The following FAF1 variants were observed in gnomAD, a reference collection of about 807,000 sequenced individuals.
FAF1 encodes the protein Fas associated factor 1, also known as FAS-associated factor 1.
Under a neutral mutation model 92.5 loss-of-function variants are expected in FAF1, and 25 were observed. The ratio of observed to expected loss-of-function variants is 0.27; its 90% CI spans 0.20 to 0.38. The LOEUF (loss-of-function observed/expected upper bound fraction) is 0.38, where lower values mean the gene tolerates loss of function less well. FAF1 is among the 10% of genes least tolerant of loss of function. The pLI is 1.00. For synonymous variants in FAF1, 234 were observed against 273.2 expected (o/e 0.86, Z 1.42); for missense variants, 636 against 793.3 (o/e 0.80, Z 2.38).
chr1:50,700,378 T>G (rs1015211154), intron 7 of FAF1, among the ~76,000 whole-genome samples: 1 of 152,086 alleles, frequency 6.6e-6, no homozygotes, highest in African/African-American at 2.4e-5. Flanking sequence ...GTAATTCTAG[T>G]AAAGCACTTA....
At chr1:50,734,395 G>A (rs767485029) in intron 6 of FAF1, among the ~76,000 whole-genome samples, 3 of 151,986 alleles carry the variant, frequency 2.0e-5, no homozygotes, top group Non-Finnish European at 4.4e-5. Context: ...CAGCATCTTG[G>A]TTAGAATACA....
intron 17 of FAF1, among the ~76,000 whole-genome samples, chr1:50,480,686 C>T (rs533054766): frequency 1.2e-4 from 18 of 152,278 alleles, no homozygotes; most frequent in South Asian, 6.2e-4. Context: ...ACTGTATAAA[C>T]CATGGAGGTC....
At chr1:50,792,713 T>C (rs538067693) in intron 3 of FAF1, among the ~76,000 whole-genome samples, 1 of 152,290 alleles carries the variant, frequency 6.6e-6, no homozygotes, top group East Asian at 1.9e-4. Flanking sequence ...TTAAAATACA[T>C]TAGTAAGGGA....
chr1:50,624,639 C>CA, intron 8 of FAF1, among the ~76,000 whole-genome samples: 1 of 151,952 alleles, frequency 6.6e-6, no homozygotes, highest in Admixed American at 6.5e-5. Flanking sequence ...AAAAGGAAAA[C>CA]AAAAAAGGAA....
At chr1:50,621,123 C>T (rs943708809) in intron 8 of FAF1, among the ~76,000 whole-genome samples, 7 of 152,242 alleles carry the variant, frequency 4.6e-5, no homozygotes, top group African/African-American at 1.7e-4. Flanking sequence ...CTCCATACTC[C>T]TAAGCTACAT....
At chr1:50,844,590 C>T (rs939187485) in intron 2 of FAF1, among the ~76,000 whole-genome samples, 3 of 150,208 alleles carry the variant, frequency 2.0e-5, no homozygotes, top group Non-Finnish European at 4.4e-5. Flanking sequence ...ACCTGGGCTT[C>T]GAGTTTTCAT....
chr1:50,523,171 G>C (rs1243025237), intron 15 of FAF1, among the ~76,000 whole-genome samples: 1 of 152,092 alleles, frequency 6.6e-6, no homozygotes, highest in East Asian at 1.9e-4. Flanking sequence ...TCTGTTGATA[G>C]ATATTTGGAT....
rs2124016370 is a variant in FAF1 at position 50,583,538 on chromosome 1, TC to T, written c.1031+113del. 1.8e-6 allele frequency: 1 copy of T among 567,256 alleles called. No individual in the cohort carries two copies. Among genetic ancestry groups the T allele is most frequent in the South Asian group, 4.1e-5 (1 of 24,402 alleles). The allele number at this position is 567,256 out of a possible 1,614,324, so 35.1% of individuals were successfully genotyped here. A position where few individuals can be genotyped will look rare whatever the true frequency, so the allele number is the denominator to read the frequency against. ...AGGACTATATAAATTAACAAGTATA[TC>T]CTTTGAATACTTTAAGGAGAAACTT... On this transcript the variant is annotated intron_variant, in intron 11 of 18. Coordinates refer to ENST00000396153, the MANE Select transcript of FAF1 (RefSeq NM_007051.3). This position sits in a 1 kb window ranked among gnomAD's most constrained non-coding sequence, Gnocchi z 4.2.
intron 18 of FAF1, chr1:50,469,590 G>A (rs1646544710): frequency 6.6e-6 from 1 of 152,092 alleles, no homozygotes; most frequent in South Asian, 2.1e-4. Flanking sequence ...ACCCACTGGA[G>A]GCTTTTAAGC....
chr1:50,780,612 C>A, intron 4 of FAF1: 1 of 202,892 alleles, frequency 4.9e-6, no homozygotes, highest in Non-Finnish European at 1.0e-5. Context: ...AGTGTAACTG[C>A]ACATCCTCTT....
In FAF1 at chr1:50,771,832, C is replaced by T. The variant is rs147950430; in HGVS notation, c.367+16168G>A. Among the ~76,000 whole-genome samples the T allele has an allele frequency of 5.9e-3, 902 of 152,200 alleles. 6 individuals are homozygous for T. The highest frequency in any genetic ancestry group is 0.02 in the African/African-American group (840 of 41,510). ...AGGGGAATTGCTTGAACCTGGGAGG[C>T]GGAGGTTGCAGTGAGCCAAGATCGT... On this transcript the variant is annotated intron_variant, in intron 4 of 18. Coordinates refer to ENST00000396153, the MANE Select transcript of FAF1 (RefSeq NM_007051.3).
chr1:50,699,407 A>C (rs1270332500), intron 7 of FAF1, among the ~76,000 whole-genome samples: 1 of 152,090 alleles, frequency 6.6e-6, no homozygotes, highest in African/African-American at 2.4e-5. Flanking sequence ...GAACTGTGTG[A>C]AAATATTGTT....
At chr1:50,534,285 C>T (rs912641665) in intron 15 of FAF1, among the ~76,000 whole-genome samples, 4 of 151,980 alleles carry the variant, frequency 2.6e-5, no homozygotes, top group African/African-American at 7.2e-5. Context: ...TTATCTTCTG[C>T]TGATAATTTT....
intron 8 of FAF1, among the ~76,000 whole-genome samples, chr1:50,611,012 G>A (rs942700866): frequency 2.0e-5 from 3 of 152,212 alleles, no homozygotes; most frequent in African/African-American, 7.2e-5. Context: ...ATGCAGGAAT[G>A]CTATACAAGT....
At chr1:50,612,502 T>G in intron 8 of FAF1, 4 of 985,358 alleles carry the variant, frequency 4.1e-6, no homozygotes, top group Non-Finnish European at 4.8e-6. Context: ...TTTGTATGCA[T>G]GAAGGGTACC....
chr1:50,712,980 G>A (rs1396387848), intron 6 of FAF1, among the ~76,000 whole-genome samples: 3 of 151,616 alleles, frequency 2.0e-5, no homozygotes, highest in Non-Finnish European at 2.9e-5. Context: ...TGGGCAACAA[G>A]GTAAAACCCA....
At chr1:50,836,170 G>GTTTTTTGTTTTT (rs1553144966) in intron 2 of FAF1, among the ~76,000 whole-genome samples, 4 of 98,526 alleles carry the variant, frequency 4.1e-5, no homozygotes, top group Admixed American at 1.1e-4. Flanking sequence ...TTTTGTTTCT[G>GTTTTTTGTTTTT]TTTTTTTTTT....
intron 1 of FAF1, among the ~76,000 whole-genome samples, chr1:50,924,915 G>A (rs377267224): frequency 1.1e-4 from 16 of 152,258 alleles, no homozygotes; most frequent in East Asian, 3.9e-4. Context: ...CCCAGGAGGC[G>A]GAGGCTGCAG....
rs12088498 is a variant in FAF1, at chr1:50,862,842, A to G, written c.46-4845T>C. On this transcript the variant is annotated intron_variant, in intron 1 of 18. Coordinates refer to ENST00000396153, the MANE Select transcript of FAF1 (RefSeq NM_007051.3). ...GGGACTAGTACAACAGGAAAATATT[A>G]CAATGCTAAATATACATACACTAAA... is the stretch of plus-strand genomic sequence containing the variant. Among the ~76,000 whole-genome samples, 1,505 of 152,078 alleles carry G rather than the reference A, an allele frequency of 9.9e-3. 23 individuals carry two copies. Among genetic ancestry groups the G allele is most frequent in the African/African-American group, 0.034 (1,428 of 41,500 alleles).
Sources: gnomAD v4.1 joint callset for allele counts (sites outside exome capture counted in the v4.1 genomes callset) on GRCh38, gnomAD v4.1.1 for gene constraint, Gnocchi (gnomAD v3.1) non-coding constraint, MANE v1.5 for transcripts, NCBI Gene and HGNC (gene_info 2026-07-23, HGNC 2026-07-21) for gene names.